The following RECK variants were observed in gnomAD, a reference collection of about 807,000 sequenced individuals.
The protein encoded by RECK is reversion-inducing cysteine-rich protein with Kazal motifs.
RECK carries 69 observed loss-of-function variants against 115.1 expected under a neutral mutation model. The ratio of observed to expected loss-of-function variants is 0.60; its 90% CI spans 0.49 to 0.73. The LOEUF is 0.73. Ranked by LOEUF, RECK falls within the 30% of genes least tolerant of loss-of-function variation. The pLI, the probability that RECK is intolerant of heterozygous loss-of-function variation, is 0.00. For synonymous variants in RECK, 414 were observed against 419.7 expected (o/e 0.99, Z 0.17); for missense variants, 1,047 against 1,203.7 (o/e 0.87, Z 1.93).
intron 13 of RECK, among the ~76,000 whole-genome samples, 192 bp downstream of exon 13, chr9:36,105,475 A>G (rs532478895): frequency 6.6e-6 from 1 of 152,304 alleles, no homozygotes; most frequent in African/African-American, 2.4e-5. Flanking sequence ...TTAAACATGT[A>G]TTATTGATGT....
At chr9:36,093,404 T>C (rs1181434939) in intron 10 of RECK, among the ~76,000 whole-genome samples, 4 of 150,996 alleles carry the variant, frequency 2.6e-5, no homozygotes, top group African/African-American at 5.0e-5. Flanking sequence ...ATAAAGAATC[T>C]AATTATGATA....
chr9:36,053,462 G>C lies in RECK; in HGVS notation c.159+1139G>C, dbSNP rs140930938. ...AGAAAGATTTTGCAAGATACGGTCT[G>C]ATTATAAGACATGACACTGATTCAG... On this transcript the variant is annotated intron_variant, in intron 2 of 20. Coordinates refer to ENST00000377966, the MANE Select transcript of RECK (RefSeq NM_021111.3). Among the ~76,000 whole-genome samples, 33 of 152,280 alleles carry C rather than the reference G, an allele frequency of 2.2e-4. No individual in the cohort carries two copies. In the East Asian group the frequency reaches 4.8e-3, roughly 22 times the overall value.
intron 1 of RECK, among the ~76,000 whole-genome samples, chr9:36,041,173 T>C (rs1213415951): frequency 6.6e-6 from 1 of 152,238 alleles, no homozygotes; most frequent in Admixed American, 6.5e-5. Flanking sequence ...TGGCTAATAT[T>C]ATGTGGTTAT....
At chr9:36,057,063 A>ACC in intron 2 of RECK, 1 of 971,024 alleles carries the variant, frequency 1.0e-6, no homozygotes. Flanking sequence ...TATTTACTGA[A>ACC]ACACCAAATT....
chr9:36,107,720 C>T (rs1388807535), intron 13 of RECK, among the ~76,000 whole-genome samples: 1 of 151,914 alleles, frequency 6.6e-6, no homozygotes, highest in African/African-American at 2.4e-5. Flanking sequence ...TCTTACAGCA[C>T]TGTTATACTG....
At chr9:36,083,937 A>G (rs982749261) in intron 8 of RECK, among the ~76,000 whole-genome samples, 49 of 152,314 alleles carry the variant, frequency 3.2e-4, no homozygotes, top group African/African-American at 1.0e-3. Flanking sequence ...AAATAAATAT[A>G]TATGCATATA....
intron 9 of RECK, among the ~76,000 whole-genome samples, chr9:36,089,398 A>C (rs1338799825): frequency 6.6e-6 from 1 of 152,222 alleles, no homozygotes; most frequent in African/African-American, 2.4e-5. Context: ...ATAAAACCTT[A>C]GGAGATAATT....
At position 36,118,946 on chromosome 9, in the gene RECK, T is replaced by C; in HGVS notation, c.2443T>C (p.Cys815Arg). Residue 815 changes from cysteine (C) to arginine (R), a missense_variant, in exon 18 of 21, where the codon TGC (cysteine) becomes CGC (arginine). By Grantham distance (180) the Cys-to-Arg change is radical (BLOSUM62 -3). Transcript: ENST00000377966. ...VKCPSLLAAG[C>R]KPIIPPGACC... Reference sequence around the variant, plus strand: ...GTGTCCTTCGCTCTTGGCAGCTGGATGCAAACCCATCATCCCACCGGGTAG... The same window carrying C: ...GTGTCCTTCGCTCTTGGCAGCTGGACGCAAACCCATCATCCCACCGGGTAG... The C allele has an allele frequency of 6.2e-7, 1 of 1,612,690 alleles. No homozygotes were observed. The highest frequency in any genetic ancestry group is 8.5e-7 in the Non-Finnish European group (1 of 1,179,978).
Position 36,048,969 on chromosome 9 carries a change from T to C in RECK, c.101-3296T>C, listed in dbSNP as rs1821180335. Among the ~76,000 whole-genome samples the C allele has an allele frequency of 1.3e-5, 2 of 152,130 alleles. 1 individual carries two copies. The highest frequency in any genetic ancestry group is 4.1e-4 in the South Asian group (2 of 4,828). On this transcript the variant is annotated intron_variant, in intron 1 of 20. Coordinates refer to ENST00000377966, the MANE Select transcript of RECK (RefSeq NM_021111.3). ...TGACCAACTGGCTATAAATCCACGG[T>C]TCCCATGACCCCCTCAGGTTCAATA...
rs138300081 is a variant in RECK, at chr9:36,066,666, A to G, written c.405+1042A>G. ...AAGATCTTTATTTTCTTATCTCTCT[A>G]TCTTTGAAATAACCAGTTTTAGTTT... On this transcript the variant is annotated intron_variant, in intron 6 of 20. Coordinates refer to ENST00000377966, the MANE Select transcript of RECK (RefSeq NM_021111.3). The G allele has an allele frequency of 1.6e-3, 704 of 438,436 alleles. 3 individuals are homozygous for G. The highest frequency in any genetic ancestry group is 2.0e-3 in the Non-Finnish European group (547 of 275,896). 27.2% of individuals were successfully genotyped at this position (438,436 alleles called of 1,614,324 possible).
At chr9:36,063,020 A>G (rs1186786996) in intron 4 of RECK, among the ~76,000 whole-genome samples, 1 of 152,006 alleles carries the variant, frequency 6.6e-6, no homozygotes, top group East Asian at 1.9e-4. Context: ...CTGTAGTCCC[A>G]GCTACTCAGG....
intron 9 of RECK, among the ~76,000 whole-genome samples, chr9:36,089,965 AATAC>A (rs1172719448): frequency 1.1e-5 from 1 of 94,080 alleles, no homozygotes; most frequent in Non-Finnish European, 2.0e-5. Context: ...CTCTACTAAA[AATAC>A]ACACACACAC....
chr9:36,043,010 C>CTT (rs61673918), intron 1 of RECK, among the ~76,000 whole-genome samples: 801 of 59,382 alleles, frequency 0.013, 245 homozygotes, highest in African/African-American at 0.025. Flanking sequence ...CCTTAGCCCA[C>CTT]TTTTTTTTTT....
At chr9:36,042,739 T>C (rs561620068) in intron 1 of RECK, among the ~76,000 whole-genome samples, 2 of 152,298 alleles carry the variant, frequency 1.3e-5, no homozygotes, top group South Asian at 2.1e-4. Flanking sequence ...TTTAGTTCTT[T>C]AAGGAATCTC....
Position 36,037,060 on chromosome 9 carries a change from T to C in RECK, c.62T>C (p.Val21Ala), listed in dbSNP as rs979687111. Residue 21 changes from valine to alanine, a missense_variant, in exon 1 of 21, where the codon GTC becomes GCC. Coordinates refer to ENST00000377966, the MANE Select transcript of RECK (RefSeq NM_021111.3). The part of the protein sequence containing the change: ...ALLLLLAVAG[V>A]AEVAGGLAPG... Reference sequence around the variant, plus strand: ...CTCCTTCTGCTGGCCGTGGCGGGGGTCGCGGAGGTGGCAGGGGGCCTGGCT... The same window carrying C: ...CTCCTTCTGCTGGCCGTGGCGGGGGCCGCGGAGGTGGCAGGGGGCCTGGCT... 1.5e-6 allele frequency: 2 copies of C among 1,371,062 alleles called. No individual in the cohort carries two copies. The highest frequency in any genetic ancestry group is 1.7e-5 in the South Asian group (1 of 60,562). 84.9% of individuals were successfully genotyped at this position (1,371,062 alleles called of 1,614,324 possible). A position where few individuals can be genotyped will look rare whatever the true frequency, so the allele number is the denominator to read the frequency against.
rs1244986763 is a variant in RECK, at chr9:36,083,563, G to A, written c.637+1G>A. ...TATCCAATGAGGAACCCAACGGATA[G>A]TAAGTAAAAGGGACATATTCTTCTC... On this transcript the variant is annotated splice_donor_variant, in intron 8 of 20. Coordinates refer to ENST00000377966, the MANE Select transcript of RECK (RefSeq NM_021111.3). LOFTEE classifies it high-confidence loss of function. The A allele has an allele frequency of 3.1e-6, 5 of 1,611,476 alleles. No individual in the cohort carries two copies. Among genetic ancestry groups the A allele is most frequent in the Non-Finnish European group, 4.2e-6 (5 of 1,178,534 alleles).
intron 12 of RECK, 86 bp downstream of exon 12, chr9:36,102,316 AT>A: frequency 8.3e-7 from 1 of 1,203,654 alleles, no homozygotes; most frequent in Non-Finnish European, 1.2e-6. Context: ...TTGGATGAGC[AT>A]TTATCTGTTG....
intron 9 of RECK, among the ~76,000 whole-genome samples, chr9:36,090,277 A>G (rs978099740): frequency 6.6e-6 from 1 of 152,212 alleles, no homozygotes; most frequent in African/African-American, 2.4e-5. Context: ...CCTCACTGAT[A>G]GCAGGGACCT....
At chr9:36,084,489 G>A (rs992545762) in intron 8 of RECK, among the ~76,000 whole-genome samples, 8 of 152,160 alleles carry the variant, frequency 5.3e-5, no homozygotes, top group Non-Finnish European at 1.0e-4. Context: ...GAGGTCAGGA[G>A]TTCAAGAACA....
Sources: gnomAD v4.1 joint callset for allele counts (sites outside exome capture counted in the v4.1 genomes callset) on GRCh38, gnomAD v4.1.1 for gene constraint, MANE v1.5 for transcripts, NCBI Gene and HGNC (gene_info 2026-07-23, HGNC 2026-07-21) for gene names.